The following NAV2 variants were observed in gnomAD, a reference collection of about 807,000 sequenced individuals.
The protein encoded by NAV2 is neuron navigator 2, also known as helicase, APC down-regulated 1.
A neutral mutation model predicts 223.2 loss-of-function variants in NAV2; 54 were observed. The ratio of observed to expected loss-of-function variants is 0.24; its 90% CI spans 0.19 to 0.30. The LOEUF is 0.30. Ranked by LOEUF, NAV2 falls within the 10% of genes least tolerant of loss-of-function variation. The probability of loss-of-function intolerance (pLI) is 1.00; values close to 1 mark genes in which losing one functional copy is unlikely to be tolerated. For synonymous variants in NAV2, 1,279 were observed against 1,239.3 expected (o/e 1.03, Z -0.67); for missense variants, 2,806 against 3,147.5 (o/e 0.89, Z 2.60).
At chr11:19,646,034 C>T (rs570736159) in intron 1 of NAV2, among the ~76,000 whole-genome samples, 1 of 152,144 alleles carries the variant, frequency 6.6e-6, no homozygotes, top group African/African-American at 2.4e-5. Context: ...TTGGCTGCCA[C>T]GGGCAGTGAT....
At chr11:19,409,222 T>C (rs1272855020) in intron 1 of NAV2, among the ~76,000 whole-genome samples, 1 of 152,182 alleles carries the variant, frequency 6.6e-6, no homozygotes, top group Non-Finnish European at 1.5e-5. Flanking sequence ...AAAGTCTAAA[T>C]GATGCTTGAG....
chr11:19,956,613 C>G (rs934578566), intron 10 of NAV2, among the ~76,000 whole-genome samples: 1 of 152,154 alleles, frequency 6.6e-6, no homozygotes, highest in African/African-American at 2.4e-5. Context: ...GTTGAACAGC[C>G]AGATGAAGAG....
intron 1 of NAV2, among the ~76,000 whole-genome samples, chr11:19,629,346 C>G (rs2047274251): frequency 6.6e-6 from 1 of 152,086 alleles, no homozygotes; most frequent in African/African-American, 2.4e-5. Flanking sequence ...CCATTAGGCT[C>G]TTTCCTAGAC....
chr11:19,941,219 G>A (rs2046373491), intron 8 of NAV2, among the ~76,000 whole-genome samples: 2 of 152,022 alleles, frequency 1.3e-5, no homozygotes, highest in Non-Finnish European at 1.5e-5. Context: ...TTATCTCCAT[G>A]TCTCCCCTGT....
chr11:19,669,395 T>C (rs536992078), intron 1 of NAV2, among the ~76,000 whole-genome samples: 1 of 152,356 alleles, frequency 6.6e-6, no homozygotes, highest in South Asian at 2.1e-4. Context: ...ATGTACCTGC[T>C]ATATGGGGTT....
intron 24 of NAV2, among the ~76,000 whole-genome samples, chr11:20,079,473 C>T (rs2059958120): frequency 6.6e-6 from 1 of 152,194 alleles, no homozygotes; most frequent in Non-Finnish European, 1.5e-5. Context: ...ATGAGAAAAA[C>T]TATCTGCAAA....
chr11:19,451,660 G>T (rs1851793559), intron 1 of NAV2, among the ~76,000 whole-genome samples: 1 of 152,188 alleles, frequency 6.6e-6, no homozygotes, highest in South Asian at 2.1e-4. Flanking sequence ...GTGAGACCTG[G>T]TCTGGAGAAT....
At chr11:20,115,971 C>G (rs1374164444) in intron 37 of NAV2, among the ~76,000 whole-genome samples, 1 of 152,116 alleles carries the variant, frequency 6.6e-6, no homozygotes, top group Non-Finnish European at 1.5e-5. Flanking sequence ...GATTGTAGTA[C>G]TCTACCAATA....
At chr11:19,853,090 G>A (rs2152983556) in intron 3 of NAV2, among the ~76,000 whole-genome samples, 1 of 152,306 alleles carries the variant, frequency 6.6e-6, no homozygotes, top group South Asian at 2.1e-4. Context: ...ATATGTGAGA[G>A]GCACCTGGAG....
exon 1 of NAV2, chr11:19,350,791 A>AT (rs1590030594): frequency 1.5e-6 from 1 of 677,718 alleles, no homozygotes; most frequent in East Asian, 2.8e-5. Context: ...TCCCGAGTGG[A>AT]TTTTAAGAAG....
intron 6 of NAV2, among the ~76,000 whole-genome samples, chr11:19,897,886 T>TTATTTATATA (rs2042120659): frequency 8.3e-6 from 1 of 120,660 alleles, no homozygotes; most frequent in African/African-American, 3.4e-5. Flanking sequence ...GACCTGTGAT[T>TTATTTATATA]TATATATATA....
intron 1 of NAV2, among the ~76,000 whole-genome samples, chr11:19,440,472 G>A (rs1043099270): frequency 3.3e-5 from 5 of 152,260 alleles, no homozygotes; most frequent in Admixed American, 2.0e-4. Context: ...GGAATAGAGG[G>A]TGGGTCTGGG....
In NAV2 at chr11:19,712,914, C is replaced by T. The variant is rs1410702921; in HGVS notation, c.-782C>T. On this transcript the variant is annotated 5_prime_UTR_variant, in exon 1 of 38. Transcript: ENST00000349880. Reference sequence around the variant, plus strand: ...GCGGCCGCTCCCGAGCGCAGCCCTGCCCGGCCCGCCAGCCGCGCGTCCCGG... The same window carrying T: ...GCGGCCGCTCCCGAGCGCAGCCCTGTCCGGCCCGCCAGCCGCGCGTCCCGG... Among the ~76,000 whole-genome samples the T allele has an allele frequency of 6.6e-6, 1 of 151,334 alleles. No individual in the cohort carries two copies. The highest frequency in any genetic ancestry group is 1.9e-4 in the East Asian group (1 of 5,154).
At chr11:20,008,146 C>G (rs2153503203) in intron 11 of NAV2, among the ~76,000 whole-genome samples, 1 of 152,274 alleles carries the variant, frequency 6.6e-6, no homozygotes, top group East Asian at 1.9e-4. Flanking sequence ...GCGGGCAGAT[C>G]ACCTGAGGTC....
intron 1 of NAV2, among the ~76,000 whole-genome samples, chr11:19,680,099 G>A (rs2048841487): frequency 6.6e-6 from 1 of 152,160 alleles, no homozygotes; most frequent in Non-Finnish European, 1.5e-5. Context: ...GAAAAGAGGA[G>A]GGCTCCAGAA....
At chr11:19,699,864 C>A (rs796205244) in intron 1 of NAV2, among the ~76,000 whole-genome samples, 17 of 152,304 alleles carry the variant, frequency 1.1e-4, no homozygotes, top group African/African-American at 3.4e-4. Context: ...CACACACTCT[C>A]TAGCTTCCTT....
At chr11:19,491,572 T>A (rs2042627806) in intron 1 of NAV2, among the ~76,000 whole-genome samples, 1 of 152,212 alleles carries the variant, frequency 6.6e-6, no homozygotes. Context: ...GAGATTTAGG[T>A]CGTGTCTCTA....
intron 36 of NAV2, among the ~76,000 whole-genome samples, chr11:20,109,107 G>C (rs2062418244): frequency 6.6e-6 from 1 of 152,140 alleles, no homozygotes; most frequent in Non-Finnish European, 1.5e-5. Context: ...TTCTGGTAGG[G>C]CTGAACTGAG....
At chr11:19,979,557 C>T (rs2050118520) in intron 10 of NAV2, among the ~76,000 whole-genome samples, 1 of 152,228 alleles carries the variant, frequency 6.6e-6, no homozygotes, top group Non-Finnish European at 1.5e-5. Context: ...TTAGGGCCAA[C>T]TTAAACAGCA....
Sources: gnomAD v4.1 joint callset for allele counts (sites outside exome capture counted in the v4.1 genomes callset) on GRCh38, gnomAD v4.1.1 for gene constraint, MANE v1.5 for transcripts, NCBI Gene and HGNC (gene_info 2026-07-23, HGNC 2026-07-21) for gene names.